Variants in AHRR observed in about 807,000 individuals in gnomAD.
AHRR encodes the protein aryl hydrocarbon receptor repressor.
In AHRR, 28 loss-of-function variants were observed where a neutral mutation model predicts 44.0. That is an observed-to-expected ratio of 0.64 (90% CI 0.47 to 0.87). The LOEUF (loss-of-function observed/expected upper bound fraction) is 0.87. Among genes scored for constraint, AHRR ranks in the 40% least tolerant of loss-of-function variants. The pLI is 0.00. For missense variants in AHRR, 990 were observed against 953.9 expected (o/e 1.04, Z -0.50); for synonymous variants, 434 against 407.0 (o/e 1.07, Z -0.80).
intron 5 of AHRR, among the ~76,000 whole-genome samples, chr5:420,429 G>C (rs1246918910): frequency 1.3e-5 from 2 of 152,206 alleles, no homozygotes; most frequent in Non-Finnish European, 2.9e-5. Context: ...ACCCCCCACT[G>C]CTCACCAAAC....
intron 2 of AHRR, among the ~76,000 whole-genome samples, chr5:351,143 AC>A (rs1304254912): frequency 6.6e-6 from 1 of 152,240 alleles, no homozygotes; most frequent in Non-Finnish European, 1.5e-5. Flanking sequence ...GAGGCCTGCT[AC>A]ATTGCCGATG....
chr5:415,383 CCTAGGGGCCGAGTCTGCCTGGTCGGG>C (rs1735698704), intron 5 of AHRR, among the ~76,000 whole-genome samples: 4 of 138,686 alleles, frequency 2.9e-5, no homozygotes, highest in African/African-American at 1.1e-4. Context: ...GGGTGGGAGG[CCTAGGGGCCGAGTCTGCCTGGTCGGG>C]TGGGAGGCCT....
chr5:434,487 T>C lies in AHRR; in HGVS notation c.1747T>C (p.Tyr583His). The C allele has an allele frequency of 6.2e-7, 1 of 1,613,288 alleles. No individual in the cohort carries two copies. The highest frequency in any genetic ancestry group is 8.5e-7 in the Non-Finnish European group (1 of 1,179,984). The change falls in exon 11 of 11, where the codon TAC (tyrosine) becomes CAC (histidine). Residue 583 changes from tyrosine (Y) to histidine (H), a missense_variant. Tyr to His is a moderately conservative substitution (Grantham distance 83). Coordinates refer to ENST00000684583, the MANE Select transcript of AHRR (RefSeq NM_001377236.1). ...AGAGCCAGACTCTCGGCAACAGGTGTACATCTCGCACCTGGGGCACGGCGT... is the reference window on the plus strand; with the variant it reads ...AGAGCCAGACTCTCGGCAACAGGTGCACATCTCGCACCTGGGGCACGGCGT... ...KTEPDSRQQV[Y>H]ISHLGHGVRG...
chr5:433,690 G>A (rs1003415379), intron 10 of AHRR, among the ~76,000 whole-genome samples, 163 bp from the exon 11 acceptor site: 1 of 137,532 alleles, frequency 7.3e-6, no homozygotes, highest in Admixed American at 7.0e-5. Flanking sequence ...CTCCTGGGCT[G>A]CTGGGGGGGT....
intron 4 of AHRR, among the ~76,000 whole-genome samples, chr5:396,226 T>C (rs1213850302): frequency 1.3e-5 from 2 of 152,106 alleles, no homozygotes; most frequent in Non-Finnish European, 2.9e-5. Flanking sequence ...GCCCTCCTTC[T>C]GGGCCTGGCA....
intron 3 of AHRR, among the ~76,000 whole-genome samples, chr5:359,692 C>A (rs976661049): frequency 5.3e-5 from 8 of 152,232 alleles, no homozygotes; most frequent in African/African-American, 1.7e-4. Context: ...CACTGTGGGG[C>A]CTGAACACAC....
chr5:375,700 C>G (rs1278274498), intron 3 of AHRR, among the ~76,000 whole-genome samples: 1 of 152,204 alleles, frequency 6.6e-6, no homozygotes, highest in Non-Finnish European at 1.5e-5. Flanking sequence ...CTGGGGTGCG[C>G]TTTGGTCCAC....
At chr5:359,768 G>A (rs1055314488) in intron 3 of AHRR, among the ~76,000 whole-genome samples, 2 of 152,150 alleles carry the variant, frequency 1.3e-5, no homozygotes, top group African/African-American at 2.4e-5. Flanking sequence ...CGGGCTGAAC[G>A]GGCACATCCG....
chr5:415,227 G>A (rs966511866), intron 5 of AHRR, among the ~76,000 whole-genome samples: 12 of 152,236 alleles, frequency 7.9e-5, no homozygotes, highest in Non-Finnish European at 1.3e-4. Context: ...CTCTGCCTAC[G>A]AGGAAAGGGT....
chr5:426,469 TG>T (rs1220625337), intron 7 of AHRR, among the ~76,000 whole-genome samples: 1 of 150,322 alleles, frequency 6.7e-6, no homozygotes, highest in African/African-American at 2.5e-5. Context: ...GATGGATGGA[TG>T]GTTGGATAGA....
intron 5 of AHRR, among the ~76,000 whole-genome samples, chr5:417,109 C>G (rs180955322): frequency 2.9e-5 from 4 of 135,838 alleles, no homozygotes; most frequent in African/African-American, 8.4e-5. Flanking sequence ...GTGCAGGGCC[C>G]GAGTTTAGAG....
chr5:329,401 T>C (rs1357971259), intron 1 of AHRR, among the ~76,000 whole-genome samples: 1 of 152,222 alleles, frequency 6.6e-6, no homozygotes, highest in Non-Finnish European at 1.5e-5. Context: ...AGATGAGGTC[T>C]CACTGTGTTG....
chr5:334,157 C>G (rs1468746024), intron 1 of AHRR, among the ~76,000 whole-genome samples: 1 of 152,146 alleles, frequency 6.6e-6, no homozygotes, highest in Non-Finnish European at 1.5e-5. Context: ...TGCTCTTTCA[C>G]TTTGACTTTG....
chr5:408,504 T>C (rs764721402), intron 4 of AHRR, among the ~76,000 whole-genome samples: 43 of 152,190 alleles, frequency 2.8e-4, no homozygotes, highest in Admixed American at 1.8e-3. Context: ...CTTCCTAATA[T>C]TGAACTAGCC....
intron 10 of AHRR, among the ~76,000 whole-genome samples, chr5:433,393 A>G (rs1736831319): frequency 6.6e-6 from 1 of 151,822 alleles, no homozygotes; most frequent in Non-Finnish European, 1.5e-5. Context: ...TCTCCAGGTC[A>G]CCATCTCACA....
In AHRR at chr5:434,476, G is replaced by T. The variant is rs761404483; in HGVS notation, c.1736G>T (p.Arg579Leu). Residue 579 changes from arginine to leucine, a missense_variant, in exon 11 of 11, where the codon CGG (arginine) becomes CTG (leucine). Arg to Leu is a moderately radical substitution (Grantham distance 102). Transcript: ENST00000684583. Reference sequence around the variant, plus strand: ...CACCTGAAAACAGAGCCAGACTCTCGGCAACAGGTGTACATCTCGCACCTG... The same window carrying T: ...CACCTGAAAACAGAGCCAGACTCTCTGCAACAGGTGTACATCTCGCACCTG... ...RMHLKTEPDS[R>L]QQVYISHLGH... 1 of 1,613,378 alleles carries T rather than the reference G, an allele frequency of 6.2e-7. No homozygotes were observed. The highest frequency in any genetic ancestry group is 1.7e-5 in the Admixed American group (1 of 60,020).
chr5:414,958 C>T (rs1039264419), intron 5 of AHRR, among the ~76,000 whole-genome samples: 2 of 152,240 alleles, frequency 1.3e-5, no homozygotes, highest in Non-Finnish European at 2.9e-5. Flanking sequence ...GGCAGCAGTG[C>T]CCACAGGGCC....
At chr5:363,926 C>A (rs1188660718) in intron 3 of AHRR, among the ~76,000 whole-genome samples, 4 of 152,192 alleles carry the variant, frequency 2.6e-5, no homozygotes, top group African/African-American at 7.2e-5. Context: ...GTCTTGGGGC[C>A]TCAGCTAAAA....
At chr5:394,863 C>T (rs949632413) in intron 4 of AHRR, among the ~76,000 whole-genome samples, 1 of 152,186 alleles carries the variant, frequency 6.6e-6, no homozygotes, top group African/African-American at 2.4e-5. Context: ...GGAGGGAGCA[C>T]TTTTGCCCCG....
Sources: gnomAD v4.1 joint callset for allele counts (sites outside exome capture counted in the v4.1 genomes callset) on GRCh38, gnomAD v4.1.1 for gene constraint, MANE v1.5 for transcripts, NCBI Gene and HGNC (gene_info 2026-07-23, HGNC 2026-07-21) for gene names.